WWOX: variants seen among roughly 807,000 people sequenced by gnomAD.
WWOX encodes the protein WW domain containing oxidoreductase.
In WWOX, 69 loss-of-function variants were observed where a neutral mutation model predicts 46.2. The observed-to-expected ratio is 1.49, with a 90% CI of 1.23 to 1.82. The LOEUF (loss-of-function observed/expected upper bound fraction) is 1.82, where lower values mean the gene tolerates loss of function less well. WWOX is among the 40% of genes most tolerant of loss of function. WWOX has a pLI of 0.00. For missense variants in WWOX, 919 were observed against 542.6 expected, an observed-to-expected ratio of 1.69 and a Z score of -6.89; for synonymous variants, 359 against 202.6, an observed-to-expected ratio of 1.77 and a Z score of -6.56.
At chr16:78,493,834 C>T (rs1025694910) in intron 8 of WWOX, among the ~76,000 whole-genome samples, 5 of 152,062 alleles carry the variant, frequency 3.3e-5, no homozygotes, top group African/African-American at 1.2e-4. Flanking sequence ...GTGTTCTTAC[C>T]CACTGCATGA....
Position 78,937,425 on chromosome 16 carries a change from A to G in WWOX, c.1057-274183A>G, listed in dbSNP as rs1220011816. ...TTATGGAGGTGCTAAACATACCTTT[A>G]GAGAACTTTGTATTTGTATTAACTT... On this transcript the variant is annotated intron_variant, in intron 8 of 8. Transcript: ENST00000566780. Among the ~76,000 whole-genome samples the G allele has an allele frequency of 6.4e-5, 9 of 139,844 alleles. No homozygotes were observed. In the South Asian group the frequency reaches 6.9e-4, roughly 11 times the overall value. The allele number at this position is 139,844 out of a possible 152,430, so 91.7% of individuals were successfully genotyped here. A position where few individuals can be genotyped will look rare whatever the true frequency, so the allele number is the denominator to read the frequency against.
intron 8 of WWOX, among the ~76,000 whole-genome samples, chr16:79,003,069 C>G (rs1262187508): frequency 6.6e-6 from 1 of 152,174 alleles, no homozygotes; most frequent in African/African-American, 2.4e-5. Flanking sequence ...CAAGACAATT[C>G]AGACCCCACT....
intron 8 of WWOX, among the ~76,000 whole-genome samples, chr16:78,960,254 TC>T (rs34285098): frequency 6.6e-6 from 1 of 152,174 alleles, no homozygotes; most frequent in Non-Finnish European, 1.5e-5. Context: ...GACAAAGACC[TC>T]CCCACCTCCA....
chr16:79,071,727 C>G lies in WWOX; in HGVS notation c.1057-139881C>G, dbSNP rs188426813. Among the ~76,000 whole-genome samples the G allele has an allele frequency of 1.7e-3, 264 of 152,338 alleles. 1 individual carries two copies. The highest frequency in any genetic ancestry group is 6.2e-3 in the African/African-American group (258 of 41,580). On this transcript the variant is annotated intron_variant, in intron 8 of 8. Coordinates refer to ENST00000566780, the MANE Select transcript of WWOX (RefSeq NM_016373.4). ...TAAACGTAGCTTTTTAAGTTGGTCC[C>G]TTGATTGCTTCAAGTAATTGATCTG...
chr16:79,195,964 C>T (rs1398998449), intron 8 of WWOX, among the ~76,000 whole-genome samples: 1 of 152,152 alleles, frequency 6.6e-6, no homozygotes, highest in South Asian at 2.1e-4. Context: ...GTAAAGATGC[C>T]TTTGTTTAAA....
At chr16:78,494,617 C>T (rs149971411) in intron 8 of WWOX, among the ~76,000 whole-genome samples, 1 of 152,150 alleles carries the variant, frequency 6.6e-6, no homozygotes, top group Non-Finnish European at 1.5e-5. Context: ...GTGTGAACCC[C>T]ACACAGGTAC....
chr16:79,120,909 C>T (rs2049616923), intron 8 of WWOX, among the ~76,000 whole-genome samples: 1 of 152,226 alleles, frequency 6.6e-6, no homozygotes, highest in Non-Finnish European at 1.5e-5. Context: ...GATGGGATTA[C>T]AGGCGTGCGC....
intron 8 of WWOX, among the ~76,000 whole-genome samples, chr16:78,946,996 G>C (rs2151297871): frequency 6.6e-6 from 1 of 151,896 alleles, no homozygotes; most frequent in South Asian, 2.1e-4. Context: ...TGTGAAGAGG[G>C]ACTTTGTTCC....
intron 8 of WWOX, among the ~76,000 whole-genome samples, chr16:78,562,124 T>C (rs2044454675): frequency 6.6e-6 from 1 of 152,102 alleles, no homozygotes; most frequent in Non-Finnish European, 1.5e-5. Context: ...TCCAAACAAA[T>C]TGGATGCTCA....
rs1002704110 is a variant in WWOX, at chr16:78,344,839, G to A, written c.517-42021G>A. 3.3e-5 allele frequency among the ~76,000 whole-genome samples: 4 copies of A among 121,086 alleles called. 1 individual carries two copies. The highest frequency in any genetic ancestry group is 2.0e-5 in the Non-Finnish European group (1 of 50,668). The allele number at this position is 121,086 out of a possible 152,430, so 79.4% of individuals were successfully genotyped here. A position where few individuals can be genotyped will look rare whatever the true frequency, so the allele number is the denominator to read the frequency against. ...CATCAAGCTCTTGTTAATCTGTCAG[G>A]CCTTCCTAAGATGTCTGAAGAAGTT... On this transcript the variant is annotated intron_variant, in intron 5 of 8. Transcript: ENST00000566780.
chr16:78,387,794 T>G (rs555724865), intron 6 of WWOX, among the ~76,000 whole-genome samples: 32 of 152,104 alleles, frequency 2.1e-4, no homozygotes, highest in Non-Finnish European at 4.1e-4. Flanking sequence ...TTTTTTTCAG[T>G]GACTTGATTC....
intron 8 of WWOX, among the ~76,000 whole-genome samples, chr16:78,914,232 C>G (rs1050670549): frequency 6.6e-5 from 10 of 152,020 alleles, no homozygotes; most frequent in African/African-American, 2.2e-4. Flanking sequence ...GTCTATCCAT[C>G]CGTCTATTCA....
intron 8 of WWOX, among the ~76,000 whole-genome samples, chr16:79,105,724 G>A (rs2049295519): frequency 1.3e-5 from 2 of 150,738 alleles, no homozygotes; most frequent in African/African-American, 2.4e-5. Context: ...GTGCAGTAGT[G>A]CAATCTTGGC....
At chr16:78,858,841 G>A (rs2052633638) in intron 8 of WWOX, among the ~76,000 whole-genome samples, 5 of 150,836 alleles carry the variant, frequency 3.3e-5, no homozygotes. Context: ...ACCACATCTG[G>A]CTAATTTTTT....
chr16:78,989,819 A>AGC (rs1473039038), intron 8 of WWOX, among the ~76,000 whole-genome samples: 1 of 42,340 alleles, frequency 2.4e-5, no homozygotes, highest in Non-Finnish European at 6.9e-5. Context: ...GTGGTGTGTG[A>AGC]GCGTGTGTGT....
At chr16:78,312,678 T>C (rs949259896) in intron 5 of WWOX, among the ~76,000 whole-genome samples, 3 of 152,198 alleles carry the variant, frequency 2.0e-5, no homozygotes, top group African/African-American at 2.4e-5. Context: ...CCTGGCTGGT[T>C]GTAGGCCTAA....
chr16:78,787,663 C>T (rs756341041), intron 8 of WWOX, among the ~76,000 whole-genome samples: 3 of 152,114 alleles, frequency 2.0e-5, no homozygotes, highest in Non-Finnish European at 4.4e-5. Flanking sequence ...CTCCTGTTTT[C>T]CATTCTTGGG....
intron 8 of WWOX, chr16:79,204,556 G>A (rs776208975): frequency 5.9e-5 from 9 of 152,192 alleles, no homozygotes; most frequent in African/African-American, 2.2e-4. Context: ...TTGGAACATC[G>A]ATGGCAAGAA....
intron 8 of WWOX, among the ~76,000 whole-genome samples, chr16:79,104,996 A>G (rs771608576): frequency 6.6e-6 from 1 of 152,102 alleles, no homozygotes; most frequent in Non-Finnish European, 1.5e-5. Flanking sequence ...TCCTCATGAT[A>G]CTGGAAGGCA....
Sources: allele counts gnomAD v4.1 joint callset (sites outside exome capture counted in the v4.1 genomes callset), GRCh38; gene constraint gnomAD v4.1.1; transcripts MANE v1.5; gene names NCBI Gene and HGNC (gene_info 2026-07-23, HGNC 2026-07-21).